Variants in LRMDA observed in about 807,000 individuals in gnomAD.
LRMDA encodes leucine rich melanocyte differentiation associated, also known as leucine-rich melanocyte differentiation-associated protein.
A neutral mutation model predicts 29.8 loss-of-function variants in LRMDA; 18 were observed. The ratio of observed to expected loss-of-function variants is 0.60; its 90% CI spans 0.42 to 0.90. The LOEUF is 0.90. Among genes scored for constraint, LRMDA ranks in the 40% least tolerant of loss-of-function variants. The pLI is 0.00. For synonymous variants in LRMDA, 125 were observed against 109.4 expected (o/e 1.14, Z -0.89); for missense variants, 273 against 273.9 (o/e 1.00, Z 0.02).
intron 2 of LRMDA, among the ~76,000 whole-genome samples, chr10:75,931,071 G>C (rs1290914864): frequency 6.6e-6 from 1 of 152,164 alleles, no homozygotes; most frequent in Non-Finnish European, 1.5e-5. Flanking sequence ...AGACAATTAT[G>C]CCATCCTATC....
chr10:76,240,915 G>A (rs895252961), intron 5 of LRMDA, among the ~76,000 whole-genome samples: 1 of 150,796 alleles, frequency 6.6e-6, no homozygotes, highest in Admixed American at 6.6e-5. Context: ...CACACCCCAT[G>A]GAATACTACT....
At chr10:75,538,665 C>G (rs1839981425) in intron 2 of LRMDA, among the ~76,000 whole-genome samples, 1 of 152,064 alleles carries the variant, frequency 6.6e-6, no homozygotes, top group South Asian at 2.1e-4. Context: ...CATTTCTTAG[C>G]TTTCTCATCT....
intron 2 of LRMDA, among the ~76,000 whole-genome samples, chr10:75,613,314 C>T (rs1449188200): frequency 6.6e-6 from 1 of 152,036 alleles, no homozygotes; most frequent in East Asian, 1.9e-4. Context: ...TTGCAGATAG[C>T]TACTAGCCAA....
Position 75,792,948 on chromosome 10 carries a change from G to A in LRMDA, c.132-243060G>A, listed in dbSNP as rs1218418359. Among the ~76,000 whole-genome samples the A allele has an allele frequency of 3.3e-5, 5 of 152,138 alleles. No individual in the cohort carries two copies. The East Asian group carries it at 5.8e-4, about 18-fold the overall frequency. On this transcript the variant is annotated intron_variant, in intron 2 of 6. Transcript: ENST00000611255. ...ACTTTGGTTCTGGTATGATAGCAGT[G>A]GTTGGGGTATTTTGATAGTTTGGGT...
chr10:76,169,148 T>A (rs1050200380), intron 5 of LRMDA, among the ~76,000 whole-genome samples: 6 of 152,112 alleles, frequency 3.9e-5, no homozygotes, highest in Non-Finnish European at 8.8e-5. Context: ...GGCAGGAAAA[T>A]TTGGTGCAGG....
At chr10:75,971,032 G>A (rs1422077828) in intron 2 of LRMDA, among the ~76,000 whole-genome samples, 2 of 152,158 alleles carry the variant, frequency 1.3e-5, no homozygotes, top group South Asian at 2.1e-4. Flanking sequence ...GCCCTCCTCA[G>A]TGACAGTAAA....
At chr10:76,210,790 C>T (rs189325154) in intron 5 of LRMDA, among the ~76,000 whole-genome samples, 1 of 152,256 alleles carries the variant, frequency 6.6e-6, no homozygotes, top group East Asian at 1.9e-4. Flanking sequence ...GAGATTAGAC[C>T]TTAATGGTTA....
At chr10:76,012,081 G>A (rs1422062026) in intron 2 of LRMDA, among the ~76,000 whole-genome samples, 2 of 152,218 alleles carry the variant, frequency 1.3e-5, no homozygotes. Flanking sequence ...TTGCCAGGTT[G>A]TCAGAATGGC....
intron 5 of LRMDA, among the ~76,000 whole-genome samples, chr10:76,085,588 G>C (rs1244136632): frequency 6.6e-6 from 1 of 152,128 alleles, no homozygotes; most frequent in African/African-American, 2.4e-5. Context: ...CACAGGGATG[G>C]TGACTTTCCT....
chr10:76,066,750 C>A (rs576794657), intron 5 of LRMDA, among the ~76,000 whole-genome samples: 6 of 152,314 alleles, frequency 3.9e-5, no homozygotes, highest in Admixed American at 3.9e-4. Context: ...CAAAGAACTA[C>A]AGGAGCCAGG....
chr10:76,230,796 G>A (rs1254675986), intron 5 of LRMDA, among the ~76,000 whole-genome samples: 1 of 152,162 alleles, frequency 6.6e-6, no homozygotes, highest in East Asian at 1.9e-4. Flanking sequence ...GTAATGAATA[G>A]GTTCATAAAA....
At chr10:75,930,633 G>A (rs575336750) in intron 2 of LRMDA, among the ~76,000 whole-genome samples, 4 of 152,084 alleles carry the variant, frequency 2.6e-5, no homozygotes, top group Non-Finnish European at 5.9e-5. Context: ...CCCTTTTCAG[G>A]GTATATTCTC....
chr10:76,298,057 G>C, intron 5 of LRMDA, among the ~76,000 whole-genome samples: 1 of 152,184 alleles, frequency 6.6e-6, no homozygotes, highest in East Asian at 1.9e-4. Context: ...ACACAGCTGC[G>C]TGCGAGCTGC....
intron 6 of LRMDA, among the ~76,000 whole-genome samples, chr10:76,455,963 C>T (rs1216691570): frequency 2.0e-5 from 3 of 152,252 alleles, no homozygotes; most frequent in Middle Eastern, 3.4e-3. Context: ...CAACTGTATG[C>T]ACCACAGTGA....
chr10:76,109,227 GA>G (rs1409094711), intron 5 of LRMDA, among the ~76,000 whole-genome samples: 1 of 152,168 alleles, frequency 6.6e-6, no homozygotes, highest in African/African-American at 2.4e-5. Flanking sequence ...TCAAGCGCAA[GA>G]AAGATGTTTG....
chr10:75,463,886 C>T (rs967734574), intron 2 of LRMDA, among the ~76,000 whole-genome samples: 2 of 152,068 alleles, frequency 1.3e-5, no homozygotes, highest in Admixed American at 6.5e-5. Context: ...AGGCTGATCT[C>T]GAACTCCTGA....
chr10:76,051,465 A>G (rs954447364), intron 4 of LRMDA, among the ~76,000 whole-genome samples: 6 of 152,218 alleles, frequency 3.9e-5, no homozygotes, highest in African/African-American at 1.4e-4. Context: ...ACCTCGGCTC[A>G]TTAGAGTGAG....
rs140054463 is a variant in LRMDA at position 76,120,476 on chromosome 10, C to T, written c.516+61693C>T. On this transcript the variant is annotated intron_variant, in intron 5 of 6. Coordinates refer to ENST00000611255, the MANE Select transcript of LRMDA (RefSeq NM_001305581.2). ...GTGCTGGGATTACAGGCGTGAGTCA[C>T]CATGCCTGGCCAAGTATGTGTTGAT... 2.6e-5 allele frequency among the ~76,000 whole-genome samples: 4 copies of T among 152,202 alleles called. No homozygotes were observed. In the East Asian group the frequency reaches 5.8e-4, roughly 22 times the overall value.
chr10:75,651,862 T>C (rs1307614296), intron 2 of LRMDA, among the ~76,000 whole-genome samples: 1 of 152,158 alleles, frequency 6.6e-6, no homozygotes, highest in Admixed American at 6.5e-5. Flanking sequence ...CACTTAAGGG[T>C]ACCAATAGAC....
Sources: gnomAD v4.1 joint callset for allele counts (sites outside exome capture counted in the v4.1 genomes callset) on GRCh38, gnomAD v4.1.1 for gene constraint, MANE v1.5 for transcripts, NCBI Gene and HGNC (gene_info 2026-07-23, HGNC 2026-07-21) for gene names.